Variants in DNAJC17 observed in about 807,000 individuals in gnomAD.
DNAJC17 encodes the protein dnaJ homolog subfamily C member 17.
A neutral mutation model predicts 48.1 loss-of-function variants in DNAJC17; 35 were observed. The ratio of observed to expected loss-of-function variants is 0.73; its 90% CI spans 0.56 to 0.96. The LOEUF (loss-of-function observed/expected upper bound fraction) is 0.96. Ranked by LOEUF, DNAJC17 falls within the 50% of genes least tolerant of loss-of-function variation. DNAJC17 has a pLI of 0.00. For missense variants in DNAJC17, 355 were observed against 377.1 expected, an observed-to-expected ratio of 0.94 and a Z score of 0.48; for synonymous variants, 117 against 142.7, an observed-to-expected ratio of 0.82 and a Z score of 1.28.
At chr15:40,798,325 G>C (rs1263859858) in intron 1 of DNAJC17, among the ~76,000 whole-genome samples, 1 of 152,064 alleles carries the variant, frequency 6.6e-6, no homozygotes, top group East Asian at 1.9e-4. Context: ...GTAGAAGAGT[G>C]GTTCACAGGA....
chr15:40,801,803 T>C (rs749936733), intron 1 of DNAJC17, among the ~76,000 whole-genome samples: 1 of 142,738 alleles, frequency 7.0e-6, no homozygotes, highest in African/African-American at 2.6e-5. Flanking sequence ...AAGTGCTAAA[T>C]AGGGTTTTCA....
intron 1 of DNAJC17, among the ~76,000 whole-genome samples, chr15:40,780,838 AAAAAT>A (rs1485608537): frequency 1.4e-5 from 2 of 142,910 alleles, no homozygotes; most frequent in African/African-American, 5.8e-5. Context: ...AAATAAAATA[AAAAAT>A]AAAATAAAAG....
intron 8 of DNAJC17, 94 bp from the exon 9 acceptor site, chr15:40,774,530 G>T: frequency 7.2e-7 from 1 of 1,379,684 alleles, no homozygotes; most frequent in Non-Finnish European, 1.0e-6. Flanking sequence ...TGAGGCCCAT[G>T]GGGCATTTTC....
intron 1 of DNAJC17, among the ~76,000 whole-genome samples, chr15:40,794,970 C>T (rs2452829): frequency 1 from 152,145 of 152,148 alleles, 76,071 homozygotes; most frequent in Non-Finnish European, 1. Flanking sequence ...CCCCCCGCCT[C>T]GGCCTCCCAA....
intron 1 of DNAJC17, among the ~76,000 whole-genome samples, chr15:40,799,437 G>T (rs1268297262): frequency 6.6e-6 from 1 of 152,008 alleles, no homozygotes; most frequent in Non-Finnish European, 1.5e-5. Flanking sequence ...ATGAAAGGTG[G>T]TGTTTAGCTC....
At chr15:40,799,994 GTTTTTT>G (rs146472481) in intron 1 of DNAJC17, among the ~76,000 whole-genome samples, 3 of 149,438 alleles carry the variant, frequency 2.0e-5, no homozygotes. Flanking sequence ...TCACACCAGG[GTTTTTT>G]TTTTGTTGTT....
Position 40,767,443 on chromosome 15 carries a change from C to G in DNAJC17, c.*497G>C, listed in dbSNP as rs1442318303. ...TCCTGCCTCACCGTCTGCCTTGCTCCTCTCTTCCCAAATCATCACCGCCAT... is the reference window on the plus strand; with the variant it reads ...TCCTGCCTCACCGTCTGCCTTGCTCGTCTCTTCCCAAATCATCACCGCCAT... On this transcript the variant is annotated 3_prime_UTR_variant, in exon 11 of 11. Transcript: ENST00000220496. 2 of 1,378,568 alleles carry G rather than the reference C, an allele frequency of 1.5e-6. No individual in the cohort carries two copies. The highest frequency in any genetic ancestry group is 1.9e-6 in the Non-Finnish European group (2 of 1,026,576). 85.4% of individuals were successfully genotyped at this position (1,378,568 alleles called of 1,614,324 possible).
intron 1 of DNAJC17, among the ~76,000 whole-genome samples, chr15:40,797,593 G>A (rs1889969307): frequency 6.6e-6 from 1 of 150,480 alleles, no homozygotes; most frequent in African/African-American, 2.5e-5. Context: ...TTGTATTTTA[G>A]TAGAGCCGGG....
chr15:40,784,779 C>G (rs1889597326), intron 1 of DNAJC17, among the ~76,000 whole-genome samples: 1 of 152,066 alleles, frequency 6.6e-6, no homozygotes, highest in South Asian at 2.1e-4. Flanking sequence ...CTTTCATCCC[C>G]AACAGATGGA....
chr15:40,775,103 T>C lies in DNAJC17; in HGVS notation c.528A>G (p.Lys176=). 1 of 1,614,118 alleles carries C rather than the reference T, an allele frequency of 6.2e-7. No homozygotes were observed. The highest frequency in any genetic ancestry group is 1.3e-5 in the African/African-American group (1 of 75,040). Residue 176 remains lysine, a synonymous_variant, in exon 8 of 11, where the codon AAA becomes AAG. Transcript: ENST00000220496. ...EGQGTPKLKL[K]WKCKKEDESK... ...ACTCATCCTCCTTCTTGCACTTCCA[T>C]TTTAGCTGAAAAGAGAGCCTCATGA... is the stretch of plus-strand genomic sequence containing the variant.
chr15:40,775,111 G>A lies in DNAJC17; in HGVS notation c.523-3C>T, dbSNP rs937626088. On this transcript the variant is annotated splice_polypyrimidine_tract_variant and splice_region_variant and intron_variant, in intron 7 of 10. Coordinates refer to ENST00000220496, the MANE Select transcript of DNAJC17 (RefSeq NM_018163.3). ...TCCTTCTTGCACTTCCATTTTAGCT[G>A]AAAAGAGAGCCTCATGAAACACTGA... 15 of 1,614,000 alleles carry A rather than the reference G, an allele frequency of 9.3e-6. No homozygotes were observed. Among genetic ancestry groups the A allele is most frequent in the Non-Finnish European group, 7.6e-6 (9 of 1,180,018 alleles).
At position 40,789,903 on chromosome 15, in the gene DNAJC17, C is replaced by CAAAAAAAAAAAAAAAAAAAAAA. The variant is rs71428311; in HGVS notation, c.79-9928_79-9907dup. 4.0e-4 allele frequency among the ~76,000 whole-genome samples: 8 copies of CAAAAAAAAAAAAAAAAAAAAAA among 20,016 alleles called. 1 individual carries two copies. Among genetic ancestry groups the CAAAAAAAAAAAAAAAAAAAAAA allele is most frequent in the Admixed American group, 1.6e-3 (2 of 1,244 alleles). The allele number at this position is 20,016 out of a possible 152,430, so 13.1% of individuals were successfully genotyped here. On this transcript the variant is annotated intron_variant, in intron 1 of 10. Coordinates refer to ENST00000220496, the MANE Select transcript of DNAJC17 (RefSeq NM_018163.3). ...CCTGGGAGACAGAGACAGACTGTCT[C>CAAAAAAAAAAAAAAAAAAAAAA]AAAAAAAAAAAAAAAAAAAAAAAAA...
chr15:40,773,698 G>C, intron 10 of DNAJC17, 29 bp downstream of exon 10: 3 of 1,578,464 alleles, frequency 1.9e-6, no homozygotes, highest in Non-Finnish European at 2.6e-6. Context: ...AGACCTGAGC[G>C]CCCAGCCGGG....
Position 40,799,345 on chromosome 15 carries a change from A to C in DNAJC17, c.78+8024T>G, listed in dbSNP as rs575550363. ...GTCCTCAACTTAAGGCTTTCCCACA[A>C]AAAAAAAAACCACACCATGCCCTGC... On this transcript the variant is annotated intron_variant, in intron 1 of 10. Transcript: ENST00000220496. Among the ~76,000 whole-genome samples, 13 of 150,266 alleles carry C rather than the reference A, an allele frequency of 8.7e-5. No homozygotes were observed. In the South Asian group the frequency reaches 1.3e-3, roughly 15 times the overall value.
chr15:40,787,435 A>G (rs1454299259), intron 1 of DNAJC17, among the ~76,000 whole-genome samples: 1 of 152,192 alleles, frequency 6.6e-6, no homozygotes, highest in Non-Finnish European at 1.5e-5. Context: ...AGTAGGTGCC[A>G]TCCAGACCCT....
At position 40,765,981 on chromosome 15, in the gene DNAJC17, C is replaced by T. The variant is rs1566816628; in HGVS notation, c.*1959G>A. 1.2e-6 allele frequency: 1 copy of T among 809,782 alleles called. No individual in the cohort carries two copies. The allele number at this position is 809,782 out of a possible 1,614,324, so 50.2% of individuals were successfully genotyped here. On this transcript the variant is annotated 3_prime_UTR_variant, in exon 11 of 11. Transcript: ENST00000220496. ...CCAGCCCCTAGACCTGCCTCTGCTC[C>T]CTTTATACAACCTCCAAGCCCAGGG... is the stretch of plus-strand genomic sequence containing the variant.
At chr15:40,776,408 G>T in intron 5 of DNAJC17, 116 bp from the exon 6 acceptor site, 1 of 1,461,786 alleles carries the variant, frequency 6.8e-7, no homozygotes, top group Non-Finnish European at 9.5e-7. Context: ...CAACCTGTGG[G>T]TGGGACAAAT....
rs762177111 is a variant in DNAJC17, at chr15:40,767,809, G to C, written c.*131C>G. ...CTTCCTGGGAGGGGCGCCAGGCCTGGGTGGAGCGCTCTGCGGCAGAGCCCA... is the reference window on the plus strand; with the variant it reads ...CTTCCTGGGAGGGGCGCCAGGCCTGCGTGGAGCGCTCTGCGGCAGAGCCCA... On this transcript the variant is annotated 3_prime_UTR_variant, in exon 11 of 11. Transcript: ENST00000220496. 267 of 1,360,666 alleles carry C rather than the reference G, an allele frequency of 2.0e-4. No individual in the cohort carries two copies. Among genetic ancestry groups the C allele is most frequent in the Non-Finnish European group, 2.5e-4 (251 of 1,020,106 alleles). The allele number at this position is 1,360,666 out of a possible 1,614,324, so 84.3% of individuals were successfully genotyped here.
At chr15:40,788,766 T>C (rs1009181522) in intron 1 of DNAJC17, among the ~76,000 whole-genome samples, 7 of 152,074 alleles carry the variant, frequency 4.6e-5, no homozygotes, top group African/African-American at 1.7e-4. Context: ...TCCCAGCTAC[T>C]TGGGTGGGGC....
Sources: gnomAD v4.1 joint callset for allele counts (sites outside exome capture counted in the v4.1 genomes callset) on GRCh38, gnomAD v4.1.1 for gene constraint, MANE v1.5 for transcripts, NCBI Gene and HGNC (gene_info 2026-07-23, HGNC 2026-07-21) for gene names.